The following SHISA9 variants were observed in gnomAD, a reference collection of about 807,000 sequenced individuals.
SHISA9 encodes the protein protein shisa-9.
SHISA9 carries 13 observed loss-of-function variants against 38.0 expected under a neutral mutation model. The observed-to-expected ratio is 0.34, with a 90% confidence interval of 0.22 to 0.54. The LOEUF (loss-of-function observed/expected upper bound fraction) is 0.54. Among genes scored for constraint, SHISA9 ranks in the 20% least tolerant of loss-of-function variants. SHISA9 has a pLI of 0.91. For synonymous variants in SHISA9, 275 were observed against 242.0 expected (o/e 1.14, Z -1.27); for missense variants, 538 against 575.8 (o/e 0.93, Z 0.67).
At chr16:13,362,161 T>C in the SHISA9 span, among the ~76,000 whole-genome samples, 1 of 139,614 alleles carries the variant, frequency 7.2e-6, no homozygotes, top group African/African-American at 2.7e-5. Flanking sequence ...CTCAGGAATT[T>C]AAGATCAGCC....
At chr16:13,469,423 A>AAGAAAGAAAGAAAG in the SHISA9 span, among the ~76,000 whole-genome samples, 15 of 115,966 alleles carry the variant, frequency 1.3e-4, 1 homozygote, top group South Asian at 6.0e-4. Context: ...GAAAGAAAGA[A>AAGAAAGAAAGAAAG]AAAGAAAGAA....
chr16:13,003,394 G>A (rs2072550612), intron 2 of SHISA9, among the ~76,000 whole-genome samples: 1 of 152,172 alleles, frequency 6.6e-6, no homozygotes, highest in Non-Finnish European at 1.5e-5. Flanking sequence ...CTCCTACACT[G>A]TTTTCCTAAG....
the SHISA9 span, among the ~76,000 whole-genome samples, chr16:13,479,081 C>A: frequency 3.4e-3 from 518 of 152,280 alleles, 6 homozygotes; most frequent in Non-Finnish European, 2.0e-3. Flanking sequence ...CTGGAAGAAT[C>A]CCATTCCTTG....
At chr16:13,288,268 G>C in the SHISA9 span, among the ~76,000 whole-genome samples, 1 of 152,164 alleles carries the variant, frequency 6.6e-6, no homozygotes, top group Non-Finnish European at 1.5e-5. Flanking sequence ...AGACTGGGTG[G>C]CTTAAACAAT....
At chr16:13,532,308 TA>T in the SHISA9 span, among the ~76,000 whole-genome samples, 3 of 152,230 alleles carry the variant, frequency 2.0e-5, no homozygotes, top group East Asian at 1.9e-4. Context: ...CCTCAGGTGA[TA>T]ACCTTGGAAG....
intron 2 of SHISA9, among the ~76,000 whole-genome samples, chr16:13,115,008 GATT>G (rs1218397698): frequency 1.7e-5 from 2 of 116,752 alleles, no homozygotes; most frequent in African/African-American, 4.9e-5. Flanking sequence ...TATCTATCAT[GATT>G]ATCTATTTAT....
intron 2 of SHISA9, among the ~76,000 whole-genome samples, chr16:12,930,067 G>A (rs1177322971): frequency 1.3e-5 from 2 of 152,116 alleles, no homozygotes; most frequent in Non-Finnish European, 2.9e-5. Context: ...ACTACCTAAA[G>A]TCATCTTGTC....
chr16:13,080,760 A>C (rs184214325), intron 2 of SHISA9, among the ~76,000 whole-genome samples: 134 of 152,344 alleles, frequency 8.8e-4, no homozygotes, highest in Non-Finnish European at 1.5e-3. Flanking sequence ...ATGCTGTGGA[A>C]GAAGGTTGTT....
At chr16:13,328,929 C>G in the SHISA9 span, among the ~76,000 whole-genome samples, 16 of 152,174 alleles carry the variant, frequency 1.1e-4, no homozygotes, top group African/African-American at 2.9e-4. Context: ...TAACAAGGAG[C>G]ACCCTGTAAA....
At chr16:13,124,161 C>T (rs919375570) in intron 2 of SHISA9, among the ~76,000 whole-genome samples, 4 of 152,324 alleles carry the variant, frequency 2.6e-5, no homozygotes, top group African/African-American at 9.6e-5. Flanking sequence ...CCTAATTCCT[C>T]TCCCACTGTG....
At chr16:13,386,897 A>C in the SHISA9 span, among the ~76,000 whole-genome samples, 48 of 152,194 alleles carry the variant, frequency 3.2e-4, no homozygotes, top group African/African-American at 1.1e-3. Flanking sequence ...GTTTGTTTCT[A>C]ATGTTTTACT....
Position 13,238,192 on chromosome 16 carries a change from A to C in SHISA9, c.*2783A>C, listed in dbSNP as rs1029977430. 3 of 152,176 alleles carry C rather than the reference A, an allele frequency of 2.0e-5. No homozygotes were observed. Among genetic ancestry groups the C allele is most frequent in the Non-Finnish European group, 4.4e-5 (3 of 68,036 alleles). The allele number at this position is 152,176 out of a possible 1,614,324, so 9.4% of individuals were successfully genotyped here. A position where few individuals can be genotyped will look rare whatever the true frequency, so the allele number is the denominator to read the frequency against. On this transcript the variant is annotated 3_prime_UTR_variant, in exon 5 of 5. Transcript: ENST00000558583. ...ATCAGGTATTAAATAATTGTTAAAAATACCAGCACCCAATGAAGACTTTCT... is the reference window on the plus strand; with the variant it reads ...ATCAGGTATTAAATAATTGTTAAAACTACCAGCACCCAATGAAGACTTTCT...
chr16:13,460,949 A>C, the SHISA9 span, among the ~76,000 whole-genome samples: 1 of 152,198 alleles, frequency 6.6e-6, no homozygotes, highest in Non-Finnish European at 1.5e-5. Flanking sequence ...CTTGTCCTTC[A>C]TCGCTCCTTG....
chr16:12,997,227 A>G (rs1278605881), intron 2 of SHISA9, among the ~76,000 whole-genome samples: 2 of 151,914 alleles, frequency 1.3e-5, no homozygotes, highest in African/African-American at 2.4e-5. Context: ...GAGTCACAAC[A>G]TATATAGCCC....
chr16:13,321,520 A>C, the SHISA9 span, among the ~76,000 whole-genome samples: 3 of 152,248 alleles, frequency 2.0e-5, no homozygotes, highest in African/African-American at 7.2e-5. Flanking sequence ...TAAGGCCATT[A>C]TTAGCATCCT....
Position 13,076,324 on chromosome 16 carries a change from C to A in SHISA9, c.692-127070C>A, listed in dbSNP as rs545942994. On this transcript the variant is annotated intron_variant, in intron 2 of 4. Transcript: ENST00000558583. ...GGGATTACAGGCGTGAGCCACTGCACCCAGCTGAGAAACAGATTTTGTTTT... is the reference window on the plus strand; with the variant it reads ...GGGATTACAGGCGTGAGCCACTGCAACCAGCTGAGAAACAGATTTTGTTTT... Among the ~76,000 whole-genome samples, 3 of 152,344 alleles carry A rather than the reference C, an allele frequency of 2.0e-5. No homozygotes were observed. The South Asian group carries it at 6.2e-4, about 32-fold the overall frequency.
At chr16:12,925,423 C>T (rs1353303435) in intron 2 of SHISA9, among the ~76,000 whole-genome samples, 1 of 107,786 alleles carries the variant, frequency 9.3e-6, no homozygotes, top group Non-Finnish European at 2.3e-5. Context: ...TATTTGCACC[C>T]AGAAAATGAG....
chr16:13,408,896 G>A, the SHISA9 span, among the ~76,000 whole-genome samples: 13 of 152,286 alleles, frequency 8.5e-5, no homozygotes, highest in African/African-American at 2.2e-4. Flanking sequence ...GAAGAGGGCC[G>A]TTTCCCGGCA....
chr16:13,519,668 G>A, the SHISA9 span, among the ~76,000 whole-genome samples: 2 of 152,178 alleles, frequency 1.3e-5, no homozygotes, highest in Admixed American at 1.3e-4. Context: ...GTTCCACAGG[G>A]CTGGGGAGGC....
Sources: gnomAD v4.1 joint callset for allele counts (sites outside exome capture counted in the v4.1 genomes callset) on GRCh38, gnomAD v4.1.1 for gene constraint, MANE v1.5 for transcripts, NCBI Gene and HGNC (gene_info 2026-07-23, HGNC 2026-07-21) for gene names.